The following REPS2 variants were observed in gnomAD, a reference collection of about 807,000 sequenced individuals.
REPS2 encodes the protein RALBP1 associated Eps domain containing 2, also known as ralBP1-associated Eps domain-containing protein 2.
Under a neutral mutation model 53.6 loss-of-function variants are expected in REPS2, and 23 were observed. The observed-to-expected ratio is 0.43, with a 90% CI of 0.31 to 0.61. The LOEUF (loss-of-function observed/expected upper bound fraction) is 0.61. Ranked by LOEUF, REPS2 falls within the 20% of genes least tolerant of loss-of-function variation. The pLI is 0.11. For missense variants in REPS2, 446 were observed against 534.9 expected (o/e 0.83, Z 1.64); for synonymous variants, 238 against 218.6 (o/e 1.09, Z -0.78).
intron 1 of REPS2, among the ~76,000 whole-genome samples, chrX:16,982,802 G>C (rs1021583714): frequency 8.9e-6 from 1 of 111,953 alleles, no homozygotes; most frequent in Non-Finnish European, 1.9e-5. Context: ...TTGGACACAG[G>C]CTCCATCAGC....
the REPS2 span, among the ~76,000 whole-genome samples, chrX:17,185,611 C>T: frequency 8.9e-6 from 1 of 111,812 alleles, no homozygotes; most frequent in South Asian, 3.7e-4. Context: ...GTGGCAATTC[C>T]GCCTTTCACA....
chrX:17,092,056 TA>T (rs1043921085), intron 13 of REPS2, among the ~76,000 whole-genome samples: 2 of 111,777 alleles, frequency 1.8e-5, no homozygotes, highest in Admixed American at 9.5e-5. Context: ...TATTCCTAGT[TA>T]GGGGGGATGG....
chrX:17,124,848 A>T (rs1239485766), intron 14 of REPS2, among the ~76,000 whole-genome samples: 1 of 105,189 alleles, frequency 9.5e-6, no homozygotes, highest in African/African-American at 3.5e-5. Flanking sequence ...AGTTCTACAG[A>T]TGGACTTCTT....
chrX:17,075,659 A>G (rs1042368043), intron 12 of REPS2, among the ~76,000 whole-genome samples: 2 of 112,324 alleles, frequency 1.8e-5, no homozygotes, highest in African/African-American at 6.5e-5. Flanking sequence ...ATACAATCTC[A>G]CTTATTTTAT....
chrX:16,997,987 A>G (rs2061252468), intron 1 of REPS2, among the ~76,000 whole-genome samples: 1 of 111,500 alleles, frequency 9.0e-6, no homozygotes, highest in Admixed American at 9.5e-5. Context: ...GCTCATTTCC[A>G]TAATCCCAGC....
At chrX:17,128,629 A>C (rs2063250918) in intron 14 of REPS2, among the ~76,000 whole-genome samples, 1 of 112,004 alleles carries the variant, frequency 8.9e-6, no homozygotes, top group African/African-American at 3.2e-5. Flanking sequence ...TACGAAAAAA[A>C]TATCTGTGTA....
intron 11 of REPS2, among the ~76,000 whole-genome samples, chrX:17,073,533 ATTG>A (rs758632225): frequency 1.8e-5 from 2 of 111,850 alleles, no homozygotes; most frequent in South Asian, 7.5e-4. Context: ...ATTCAGCGAT[ATTG>A]TTCATAATTC....
chrX:17,029,619 T>C lies in REPS2; in HGVS notation c.767T>C (p.Ile256Thr), dbSNP rs1156744466. ...CCCCTTCGGCATCAGGCTTCCCTTA[T>C]CCGGGTAAGTGATGATGCAGGGTTA... Reference protein sequence around the residue: ...TKPLRHQASLIRSFSVERELQ... With the variant: ...TKPLRHQASLTRSFSVERELQ... Residue 256 changes from isoleucine (I) to threonine (T), a missense_variant, in exon 5 of 18, where the codon ATC becomes ACC. Coordinates refer to ENST00000357277, the MANE Select transcript of REPS2 (RefSeq NM_004726.3). 2.5e-6 allele frequency: 3 copies of C among 1,190,951 alleles called. No individual in the cohort carries two copies. The highest frequency in any genetic ancestry group is 1.7e-5 in the African/African-American group (1 of 57,451).
chrX:17,164,400 GATAT>G, the REPS2 span, among the ~76,000 whole-genome samples: 1 of 111,934 alleles, frequency 8.9e-6, no homozygotes, highest in African/African-American at 3.2e-5. Flanking sequence ...GACAGAAAAA[GATAT>G]ATCATGAAAC....
chrX:17,012,359 A>G (rs754019897), intron 2 of REPS2, among the ~76,000 whole-genome samples: 35 of 102,053 alleles, frequency 3.4e-4, no homozygotes, highest in East Asian at 3.3e-3. Flanking sequence ...AGCCTGGGCG[A>G]CAGAGCGAGA....
At chrX:17,122,292 A>G (rs760909182) in intron 14 of REPS2, among the ~76,000 whole-genome samples, 2 of 111,931 alleles carry the variant, frequency 1.8e-5, no homozygotes, top group Non-Finnish European at 3.8e-5. Flanking sequence ...TCTACTTTAT[A>G]TAAGTGGAAT....
chrX:16,989,011 ATAAT>A (rs1185026372), intron 1 of REPS2, among the ~76,000 whole-genome samples: 4 of 111,968 alleles, frequency 3.6e-5, no homozygotes, highest in African/African-American at 1.3e-4. Context: ...TTGAAAAAGA[ATAAT>A]AAAGCAGGAG....
chrX:17,128,774 A>G (rs1415427962), intron 14 of REPS2, among the ~76,000 whole-genome samples: 1 of 112,883 alleles, frequency 8.9e-6, no homozygotes, highest in Admixed American at 9.3e-5. Flanking sequence ...TTGCCACATC[A>G]TGAGTGGCAG....
Position 17,090,728 on chromosome X carries a change from GT to G in REPS2, c.1517-12986del, listed in dbSNP as rs780340657. ...TAATGATATGTTTTGAAGTACAGAA[GT>G]TTTGAGTTTTGACAAAGTGTAATGT... On this transcript the variant is annotated intron_variant, in intron 13 of 17. Coordinates refer to ENST00000357277, the MANE Select transcript of REPS2 (RefSeq NM_004726.3). 2.8e-4 allele frequency among the ~76,000 whole-genome samples: 31 copies of G among 112,334 alleles called. No homozygotes were observed. In the East Asian group the frequency reaches 8.6e-3, roughly 31 times the overall value.
intron 2 of REPS2, among the ~76,000 whole-genome samples, chrX:17,011,750 TACTA>T (rs977572810): frequency 9.0e-6 from 1 of 110,823 alleles, no homozygotes; most frequent in African/African-American, 3.3e-5. Context: ...ACCTTGTCTC[TACTA>T]AGTTCGAGAC....
chrX:17,182,164 A>G, the REPS2 span, among the ~76,000 whole-genome samples: 2 of 109,869 alleles, frequency 1.8e-5, no homozygotes, highest in African/African-American at 3.3e-5. Flanking sequence ...CTATCTATCT[A>G]TCTATCTATC....
chrX:17,059,686 T>C (rs1292196688), intron 8 of REPS2, among the ~76,000 whole-genome samples: 1 of 109,780 alleles, frequency 9.1e-6, no homozygotes, highest in East Asian at 2.9e-4. Flanking sequence ...AGGCTGGTCC[T>C]GAATTTCTGG....
chrX:17,190,976 T>A, the REPS2 span, among the ~76,000 whole-genome samples: 1 of 111,562 alleles, frequency 9.0e-6, no homozygotes. Flanking sequence ...CTCAAATGGA[T>A]CATAGACATA....
chrX:17,189,034 A>G, the REPS2 span, among the ~76,000 whole-genome samples: 1 of 112,201 alleles, frequency 8.9e-6, no homozygotes, highest in South Asian at 3.7e-4. Context: ...CAGATCTGAC[A>G]TTAAAACCCA....
Sources: gnomAD v4.1 joint callset for allele counts (sites outside exome capture counted in the v4.1 genomes callset) on GRCh38, gnomAD v4.1.1 for gene constraint, MANE v1.5 for transcripts, NCBI Gene and HGNC (gene_info 2026-07-23, HGNC 2026-07-21) for gene names.